The following DDX59 variants were observed in gnomAD, a reference collection of about 807,000 sequenced individuals.
DDX59 encodes DEAD-box helicase 59.
DDX59 carries 30 observed loss-of-function variants against 51.9 expected under a neutral mutation model. That is an observed-to-expected ratio of 0.58 (90% CI 0.43 to 0.78). DDX59 has a LOEUF of 0.78. Among genes scored for constraint, DDX59 ranks in the 30% least tolerant of loss-of-function variants. DDX59 has a pLI of 0.00. For synonymous variants in DDX59, 255 were observed against 253.3 expected (o/e 1.01, Z -0.06); for missense variants, 672 against 730.8 (o/e 0.92, Z 0.93).
At chr1:200,643,416 G>C (rs1022485718), downstream of DDX59, among the ~76,000 whole-genome samples, 25 of 152,066 alleles carry the variant, frequency 1.6e-4, no homozygotes, top group Non-Finnish European at 2.9e-4. Context: ...GGCCGAGGCA[G>C]GCGGATCACA....
At chr1:200,641,471 G>A (rs1249480274), downstream of DDX59, among the ~76,000 whole-genome samples, 2 of 33,960 alleles carry the variant, frequency 5.9e-5, no homozygotes, top group African/African-American at 9.7e-5. Flanking sequence ...GGGCCTGGGC[G>A]TGGTGGCTCC....
intron 4 of DDX59, among the ~76,000 whole-genome samples, chr1:200,655,480 C>T (rs1433133863): frequency 1.3e-5 from 2 of 152,160 alleles, no homozygotes; most frequent in Non-Finnish European, 2.9e-5. Context: ...CACTGACTCC[C>T]ACATCAAATC....
In DDX59 at chr1:200,644,221, C is replaced by T. The variant is rs563763124; in HGVS notation, c.*33G>A. On this transcript the variant is annotated 3_prime_UTR_variant, in exon 8 of 8. Coordinates refer to ENST00000331314, the MANE Select transcript of DDX59 (RefSeq NM_001031725.6). Reference sequence around the variant, plus strand: ...ACCATAATTTTTTGCTGACTATATACAATAAAAAAAAATATTCAAGTGGCA... The same window carrying T: ...ACCATAATTTTTTGCTGACTATATATAATAAAAAAAAATATTCAAGTGGCA... 6.1e-6 allele frequency: 9 copies of T among 1,475,524 alleles called. No individual in the cohort carries two copies. In the East Asian group the frequency reaches 1.9e-4, roughly 32 times the overall value. The allele number at this position is 1,475,524 out of a possible 1,614,324, so 91.4% of individuals were successfully genotyped here. A position where few individuals can be genotyped will look rare whatever the true frequency, so the allele number is the denominator to read the frequency against.
chr1:200,645,649 A>AATGAAAATAT (rs1186811858), intron 7 of DDX59, among the ~76,000 whole-genome samples: 2 of 152,226 alleles, frequency 1.3e-5, no homozygotes, highest in Non-Finnish European at 2.9e-5. Context: ...CCAAATAGAT[A>AATGAAAATAT]ATGAAAATAT....
In DDX59 at chr1:200,655,312, C is replaced by T. The variant is rs1020284255; in HGVS notation, c.1062+3715G>A. Among the ~76,000 whole-genome samples, 3 of 152,152 alleles carry T rather than the reference C, an allele frequency of 2.0e-5. No individual in the cohort carries two copies. The South Asian group carries it at 6.2e-4, about 32-fold the overall frequency. ...TCAGAAGACTCACAAGGGACTCCTC[C>T]GCTGCAACTCTCAGATTTGGCCTGT... On this transcript the variant is annotated intron_variant, in intron 4 of 7. Coordinates refer to ENST00000331314, the MANE Select transcript of DDX59 (RefSeq NM_001031725.6).
chr1:200,644,457 A>G lies in DDX59; in HGVS notation c.1657T>C (p.Ser553Pro). The change falls in exon 8 of 8, where the codon TCA becomes CCA. Residue 553 changes from serine to proline, a missense_variant. By Grantham distance (74) the Ser-to-Pro change is moderately conservative. Transcript: ENST00000331314. ...GCAATATCCCAGAAGAGTCTTTTTG[A>G]ATTATTATTGATGAAAGTAATCGCT... The part of the protein sequence containing the change: ...GTAITFINNN[S>P]KRLFWDIAKR... The G allele has an allele frequency of 6.2e-7, 1 of 1,608,624 alleles. No individual in the cohort carries two copies. The highest frequency in any genetic ancestry group is 8.5e-7 in the Non-Finnish European group (1 of 1,177,436).
chr1:200,642,923 G>C (rs1052918081), downstream of DDX59, among the ~76,000 whole-genome samples: 14 of 152,192 alleles, frequency 9.2e-5, no homozygotes, highest in African/African-American at 3.4e-4. Context: ...AAGGTCAACA[G>C]AGACCACGGG....
chr1:200,667,909 A>G (rs1662882667), intron 1 of DDX59, among the ~76,000 whole-genome samples: 2 of 152,200 alleles, frequency 1.3e-5, no homozygotes, highest in Admixed American at 1.3e-4. Context: ...ATGAAAAAAT[A>G]ATATAGTAAT....
downstream of DDX59, among the ~76,000 whole-genome samples, chr1:200,642,192 A>C (rs892509068): frequency 1.3e-5 from 2 of 152,190 alleles, no homozygotes; most frequent in Non-Finnish European, 2.9e-5. Context: ...CAGTATTTTT[A>C]TAATATAGTT....
chr1:200,648,556 T>G lies in DDX59; in HGVS notation c.1479A>C (p.Glu493Asp), dbSNP rs1279881534. The G allele has an allele frequency of 6.2e-7, 1 of 1,611,820 alleles. No individual in the cohort carries two copies. The highest frequency in any genetic ancestry group is 1.7e-5 in the Admixed American group (1 of 59,402). ...TGCTCACTACAACTTCATAGTCTCC[T>G]TCAAGTAATCCCTTTCCAAAAAAGC... ...ERKNILKGLL[E>D]GDYEVVVSTG... Residue 493 changes from glutamate to aspartate, a missense_variant, in exon 7 of 8, where the codon GAA (glutamate) becomes GAC (aspartate). Glu to Asp is a conservative substitution (Grantham distance 45). Coordinates refer to ENST00000331314, the MANE Select transcript of DDX59 (RefSeq NM_001031725.6).
intron 2 of DDX59, 53 bp downstream of exon 2, chr1:200,665,884 T>C (rs990567554): frequency 8.7e-5 from 130 of 1,501,616 alleles, no homozygotes; most frequent in Non-Finnish European, 1.1e-4. Flanking sequence ...ACTTGGTAAA[T>C]ACCTCACTTG....
intron 3 of DDX59, among the ~76,000 whole-genome samples, chr1:200,661,101 T>C (rs1441865500): frequency 6.6e-6 from 1 of 152,132 alleles, no homozygotes; most frequent in Non-Finnish European, 1.5e-5. Flanking sequence ...AAAATGTAAG[T>C]ATGGAACATC....
In DDX59 at chr1:200,646,339, AAAAC is replaced by A. The variant is rs538507840; in HGVS notation, c.1597-1826_1597-1823del. Among the ~76,000 whole-genome samples, 44 of 152,288 alleles carry A rather than the reference AAAAC, an allele frequency of 2.9e-4. No individual in the cohort carries two copies. The South Asian group carries it at 5.8e-3, about 20-fold the overall frequency. On this transcript the variant is annotated intron_variant, in intron 7 of 7. Coordinates refer to ENST00000331314, the MANE Select transcript of DDX59 (RefSeq NM_001031725.6). ...ACAGAAGGAGACCCCGTCTCTTAAA[AAAAC>A]AAACAAACAAAAAAAAAACTTGCAA...
At chr1:200,650,372 G>A in intron 5 of DDX59, 53 bp downstream of exon 5, 2 of 1,544,494 alleles carry the variant, frequency 1.3e-6, no homozygotes, top group South Asian at 1.2e-5. Flanking sequence ...CTTAAGAGCT[G>A]TGAAAAATGC....
intron 1 of DDX59, among the ~76,000 whole-genome samples, chr1:200,668,065 G>A (rs1386085955): frequency 6.6e-6 from 1 of 152,080 alleles, no homozygotes; most frequent in Non-Finnish European, 1.5e-5. Context: ...TTGGGAGGCC[G>A]AGGCGGGCGG....
At chr1:200,662,472 T>C (rs538164470) in intron 3 of DDX59, among the ~76,000 whole-genome samples, 3 of 152,200 alleles carry the variant, frequency 2.0e-5, no homozygotes, top group Non-Finnish European at 2.9e-5. Context: ...CTGGCCAACA[T>C]GGTGAAATCC....
intron 4 of DDX59, among the ~76,000 whole-genome samples, chr1:200,653,527 T>A (rs1366473104): frequency 6.6e-6 from 1 of 152,194 alleles, no homozygotes; most frequent in Non-Finnish European, 1.5e-5. Flanking sequence ...AGCAACCAGA[T>A]AGATTCTTCT....
chr1:200,650,713 C>T (rs756929917), intron 4 of DDX59, 37 bp from the exon 5 acceptor site: 15 of 1,523,122 alleles, frequency 9.8e-6, no homozygotes, highest in African/African-American at 1.4e-5. Flanking sequence ...TCTTGTTTGA[C>T]ATTAAAACCC....
At position 200,665,484 on chromosome 1, in the gene DDX59, A is replaced by C. The variant is rs535746134; in HGVS notation, c.804+453T>G. On this transcript the variant is annotated intron_variant, in intron 2 of 7. Transcript: ENST00000331314. ...GGCGACAAGAGTGAAACTCGGTCCC[A>C]AAAAAAGAAAAAGAAAAAGAAAAAA... 2.1e-3 allele frequency among the ~76,000 whole-genome samples: 256 copies of C among 121,544 alleles called. 3 individuals carry two copies. The highest frequency in any genetic ancestry group is 4.5e-3 in the Middle Eastern group (1 of 224). The allele number at this position is 121,544 out of a possible 152,430, so 79.7% of individuals were successfully genotyped here. A position where few individuals can be genotyped will look rare whatever the true frequency, so the allele number is the denominator to read the frequency against.
Sources: gnomAD v4.1 joint callset for allele counts (sites outside exome capture counted in the v4.1 genomes callset) on GRCh38, gnomAD v4.1.1 for gene constraint, MANE v1.5 for transcripts, NCBI Gene and HGNC (gene_info 2026-07-23, HGNC 2026-07-21) for gene names.